Variants in TMPO observed in about 807,000 individuals in gnomAD.
TMPO encodes LEM domain containing 4.
Under a neutral mutation model 45.4 loss-of-function variants are expected in TMPO, and 22 were observed. That is an observed-to-expected ratio of 0.48 (90% confidence interval 0.35 to 0.69). TMPO has a LOEUF of 0.69. TMPO is among the 30% of genes least tolerant of loss of function. The probability of loss-of-function intolerance (pLI) is 0.01; values close to 1 mark genes in which losing one functional copy is unlikely to be tolerated. For synonymous variants in TMPO, 241 were observed against 204.1 expected (o/e 1.18, Z -1.54); for missense variants, 512 against 548.8 (o/e 0.93, Z 0.67).
chr12:98,546,188 G>T (rs1878217460), intron 7 of TMPO, among the ~76,000 whole-genome samples, 171 bp from the exon 8 acceptor site: 1 of 152,160 alleles, frequency 6.6e-6, no homozygotes. Flanking sequence ...AATTTGAAGA[G>T]AGCCTTGGAA....
chr12:98,536,469 T>G lies in TMPO; in HGVS notation c.566-1006T>G, dbSNP rs139877593. On this transcript the variant is annotated intron_variant, in intron 3 of 8. Transcript: ENST00000556029. The stretch of plus-strand genomic sequence containing the variant: ...CCCAGGTTCAAGCAATTCTCCTGCC[T>G]TAGCCTCCTGAGTAGCTGGGATTAC... 5.6e-3 allele frequency among the ~76,000 whole-genome samples: 853 copies of G among 152,248 alleles called. 11 individuals are homozygous for G. Among genetic ancestry groups the G allele is most frequent in the African/African-American group, 0.019 (807 of 41,556 alleles).
intron 4 of TMPO, among the ~76,000 whole-genome samples, chr12:98,543,154 G>GT (rs1381449160): frequency 6.6e-6 from 1 of 151,758 alleles, no homozygotes; most frequent in African/African-American, 2.4e-5. Flanking sequence ...CAGGATTAAA[G>GT]TTTAAAAAAA....
intron 1 of TMPO, among the ~76,000 whole-genome samples, chr12:98,519,769 C>G (rs1876188189): frequency 6.6e-6 from 1 of 152,006 alleles, no homozygotes; most frequent in Non-Finnish European, 1.5e-5. Context: ...AATTAGGAGT[C>G]TGTTCGATGT....
chr12:98,515,629 G>GGGGTTGGTGCGAGCTTCC lies in TMPO; in HGVS notation c.-238_-221dup. The GGGGTTGGTGCGAGCTTCC allele has an allele frequency of 1.4e-6, 1 of 706,898 alleles. No individual in the cohort carries two copies. The highest frequency in any genetic ancestry group is 2.3e-6 in the Non-Finnish European group (1 of 434,536). The allele number at this position is 706,898 out of a possible 1,614,324, so 43.8% of individuals were successfully genotyped here. On this transcript the variant is annotated 5_prime_UTR_variant, in exon 1 of 9. Coordinates refer to ENST00000556029, the MANE Select transcript of TMPO (RefSeq NM_001032283.3). ...GCCTCCTGCCTGTAGTGTGTGGGCT[G>GGGGTTGGTGCGAGCTTCC]GGGTTGGTGCGAGCTTCCAGCTTGG...
At chr12:98,540,726 T>G (rs1372195659) in intron 4 of TMPO, among the ~76,000 whole-genome samples, 1 of 152,206 alleles carries the variant, frequency 6.6e-6, no homozygotes, top group African/African-American at 2.4e-5. Context: ...TGACCATATG[T>G]GGCTAGTGGC....
intron 1 of TMPO, among the ~76,000 whole-genome samples, chr12:98,524,615 A>G (rs1876624615): frequency 6.6e-6 from 1 of 151,140 alleles, no homozygotes; most frequent in Non-Finnish European, 1.5e-5. Flanking sequence ...TTTTTTTGAG[A>G]CAGAGTCTTG....
chr12:98,519,938 CT>C (rs201823688), intron 1 of TMPO, among the ~76,000 whole-genome samples: 2 of 151,038 alleles, frequency 1.3e-5, no homozygotes, highest in African/African-American at 2.4e-5. Context: ...GGTCATATTT[CT>C]TTTTTTTTCT....
intron 7 of TMPO, 60 bp downstream of exon 7, chr12:98,545,121 A>ATG: frequency 1.2e-6 from 1 of 830,722 alleles, no homozygotes; most frequent in Middle Eastern, 2.8e-4. Flanking sequence ...AAATATAAAT[A>ATG]TTTGTTTGTT....
chr12:98,547,496 A>G (rs539964147), intron 8 of TMPO, 77 bp from the exon 9 acceptor site: 15 of 1,563,948 alleles, frequency 9.6e-6, no homozygotes, highest in East Asian at 9.1e-5. Context: ...AGGAGTGGCA[A>G]TGACATTTTA....
At chr12:98,519,687 A>G (rs962667032) in intron 1 of TMPO, among the ~76,000 whole-genome samples, 4 of 152,222 alleles carry the variant, frequency 2.6e-5, no homozygotes, top group East Asian at 3.8e-4. Flanking sequence ...AGCCATGCCA[A>G]CAACTTGAAG....
rs762552142 is a variant in TMPO, at chr12:98,544,192, T to G, written c.664-38T>G. ...ATGGCCGTTATTAAAGTATTTGATG[T>G]TAGAATATGACTTTTTAATGTGTTG... On this transcript the variant is annotated intron_variant, in intron 4 of 8. Coordinates refer to ENST00000556029, the MANE Select transcript of TMPO (RefSeq NM_001032283.3). 9 of 1,611,036 alleles carry G rather than the reference T, an allele frequency of 5.6e-6. No homozygotes were observed. The African/African-American group carries it at 1.2e-4, about 22-fold the overall frequency.
chr12:98,516,368 T>G, intron 1 of TMPO: 1 of 1,208,502 alleles, frequency 8.3e-7, no homozygotes, highest in Non-Finnish European at 1.0e-6. Flanking sequence ...GACGTGTGGG[T>G]CTGGGAGGTG....
chr12:98,519,230 C>G (rs1473289095), intron 1 of TMPO, among the ~76,000 whole-genome samples: 2 of 151,976 alleles, frequency 1.3e-5, no homozygotes, highest in Admixed American at 6.6e-5. Context: ...TTGTTTTGTT[C>G]TGAGACGGAG....
At position 98,547,819 on chromosome 12, in the gene TMPO, CTCTAATTTTCT is replaced by C; in HGVS notation, c.1329_1339del (p.Asn444CysfsTer2). The C allele has an allele frequency of 6.2e-7, 1 of 1,614,028 alleles. No homozygotes were observed. The highest frequency in any genetic ancestry group is 1.1e-5 in the South Asian group (1 of 91,014). On this transcript the variant is annotated frameshift_variant, in exon 9 of 9. Transcript: ENST00000556029. LOFTEE classifies it high-confidence loss of function. ...TGGAAACCAACCAAGTAAATCCCTTCTCTAATTTTCTTCATGTTGACCCTAGAAAATCCAAC... is the reference window on the plus strand; with the variant it reads ...TGGAAACCAACCAAGTAAATCCCTTCTCATGTTGACCCTAGAAAATCCAAC...
chr12:98,547,582 C>T lies in TMPO; in HGVS notation c.1089C>T (p.Cys363=). ...CTTTCACTCCCAACAGTGCTAGTTGCCGCAGACCAATCAAAGGGGCTGCAG... is the reference window on the plus strand; with the variant it reads ...CTTTCACTCCCAACAGTGCTAGTTGTCGCAGACCAATCAAAGGGGCTGCAG... ...ASTPTGISAS[C]RRPIKGAAGR... is the part of the protein sequence containing the mutation. The change falls in exon 9 of 9, where the codon TGC becomes TGT. Residue 363 remains cysteine, a synonymous_variant. Coordinates refer to ENST00000556029, the MANE Select transcript of TMPO (RefSeq NM_001032283.3). 6.2e-7 allele frequency: 1 copy of T among 1,614,162 alleles called. No homozygotes were observed. The highest frequency in any genetic ancestry group is 8.5e-7 in the Non-Finnish European group (1 of 1,180,022).
chr12:98,533,052 A>G (rs1877307438), intron 3 of TMPO: 1 of 1,613,598 alleles, frequency 6.2e-7, no homozygotes, highest in Non-Finnish European at 8.5e-7. Context: ...CTGGCAGGGG[A>G]CAGTTGCAGA....
At chr12:98,525,048 T>C (rs918727654) in intron 1 of TMPO, among the ~76,000 whole-genome samples, 2 of 152,266 alleles carry the variant, frequency 1.3e-5, no homozygotes, top group African/African-American at 4.8e-5. Flanking sequence ...TTATTTTTAT[T>C]TTAAGCATTA....
chr12:98,517,755 G>A (rs1256596795), intron 1 of TMPO, among the ~76,000 whole-genome samples: 2 of 152,230 alleles, frequency 1.3e-5, no homozygotes, highest in African/African-American at 4.8e-5. Flanking sequence ...TTGTTTTGCG[G>A]AAAGCTTCTT....
intron 3 of TMPO, chr12:98,535,405 G>T (rs557090170): frequency 8.1e-6 from 8 of 985,386 alleles, no homozygotes; most frequent in East Asian, 1.1e-4. Context: ...ATTGTGGAAA[G>T]TAGTAGCCTT....
Sources: allele counts gnomAD v4.1 joint callset (sites outside exome capture counted in the v4.1 genomes callset), GRCh38; gene constraint gnomAD v4.1.1; transcripts MANE v1.5; gene names NCBI Gene and HGNC (gene_info 2026-07-23, HGNC 2026-07-21).